KCNT2: variants seen among roughly 807,000 people sequenced by gnomAD.
KCNT2 encodes potassium sodium-activated channel subfamily T member 2.
Under a neutral mutation model 153.8 loss-of-function variants are expected in KCNT2, and 67 were observed. That is an observed-to-expected ratio of 0.44 (90% CI 0.36 to 0.53). The LOEUF is 0.53. KCNT2 is among the 20% of genes least tolerant of loss of function. KCNT2 has a pLI of 0.00. For missense variants in KCNT2, 975 were observed against 1,354.8 expected, an observed-to-expected ratio of 0.72 and a Z score of 4.40; for synonymous variants, 500 against 458.8, an observed-to-expected ratio of 1.09 and a Z score of -1.15.
intron 15 of KCNT2, among the ~76,000 whole-genome samples, chr1:196,341,049 A>G (rs1208416080): frequency 2.6e-5 from 4 of 151,846 alleles, no homozygotes; most frequent in African/African-American, 7.2e-5. Context: ...AAATAGTCTT[A>G]AATAGGTATG....
chr1:196,264,788 C>A (rs532419676), intron 25 of KCNT2, among the ~76,000 whole-genome samples: 2 of 152,090 alleles, frequency 1.3e-5, no homozygotes, highest in African/African-American at 2.4e-5. Context: ...TGGAGCATCA[C>A]GCCTGGCTAA....
intron 27 of KCNT2, among the ~76,000 whole-genome samples, chr1:196,231,942 T>C (rs889590194): frequency 6.6e-6 from 1 of 151,876 alleles, no homozygotes; most frequent in African/African-American, 2.4e-5. Flanking sequence ...ACTTCTATAA[T>C]ATTTTTAAGA....
intron 1 of KCNT2, among the ~76,000 whole-genome samples, chr1:196,500,030 G>A (rs1019996680): frequency 3.9e-5 from 6 of 152,022 alleles, no homozygotes; most frequent in Non-Finnish European, 2.9e-5. Flanking sequence ...TGTAATCCCA[G>A]CTACTTGGGA....
At chr1:196,346,697 G>A (rs747291532) in intron 14 of KCNT2, among the ~76,000 whole-genome samples, 4 of 151,964 alleles carry the variant, frequency 2.6e-5, no homozygotes, top group Non-Finnish European at 5.9e-5. Flanking sequence ...TGATTGTTGG[G>A]ATGGAATTAA....
chr1:196,407,097 T>A (rs2148468575), intron 12 of KCNT2, among the ~76,000 whole-genome samples: 2 of 151,570 alleles, frequency 1.3e-5, no homozygotes, highest in South Asian at 4.1e-4. Context: ...CCATAAATTG[T>A]ATATTTTACT....
rs566742091 is a variant in KCNT2 at position 196,277,373 on chromosome 1, G to A, written c.2910+3487C>T. On this transcript the variant is annotated intron_variant, in intron 25 of 27. Coordinates refer to ENST00000294725, the MANE Select transcript of KCNT2 (RefSeq NM_198503.5). ...ATTTTTAGGGCCTTCCACGTGGGTT[G>A]GTCAGTTTCCCTAAGAAAGAGTCTT... Among the ~76,000 whole-genome samples, 3 of 152,142 alleles carry A rather than the reference G, an allele frequency of 2.0e-5. No individual in the cohort carries two copies. The South Asian group carries it at 6.2e-4, about 32-fold the overall frequency.
chr1:196,327,916 C>T (rs2148077908), intron 18 of KCNT2, among the ~76,000 whole-genome samples: 1 of 151,940 alleles, frequency 6.6e-6, no homozygotes, highest in African/African-American at 2.4e-5. Flanking sequence ...GGATTACAGG[C>T]ACGAGCCACC....
chr1:196,348,898 C>T (rs1032620683), intron 14 of KCNT2, among the ~76,000 whole-genome samples: 45 of 151,906 alleles, frequency 3.0e-4, no homozygotes, highest in African/African-American at 1.1e-3. Context: ...AAAAAAATGC[C>T]TGGGCGTGGT....
At chr1:196,382,856 C>T (rs188114971) in intron 13 of KCNT2, among the ~76,000 whole-genome samples, 7 of 151,854 alleles carry the variant, frequency 4.6e-5, no homozygotes, top group Non-Finnish European at 1.0e-4. Flanking sequence ...TTTGAGCTGC[C>T]TGAACATGAG....
chr1:196,443,756 GAAAGATATTTCT>G (rs956526935), intron 8 of KCNT2, among the ~76,000 whole-genome samples: 16 of 151,510 alleles, frequency 1.1e-4, no homozygotes, highest in African/African-American at 3.6e-4. Context: ...CTCATGTCTT[GAAAGATATTTCT>G]AATTCATCTT....
chr1:196,482,651 C>T (rs945309265), intron 3 of KCNT2, among the ~76,000 whole-genome samples: 2 of 151,962 alleles, frequency 1.3e-5, no homozygotes, highest in South Asian at 4.2e-4. Context: ...GGCAGAATAA[C>T]CTTAAACCCT....
At chr1:196,292,480 A>C (rs1026777363) in intron 22 of KCNT2, among the ~76,000 whole-genome samples, 2 of 152,198 alleles carry the variant, frequency 1.3e-5, no homozygotes, top group Admixed American at 6.5e-5. Flanking sequence ...CAGAGCAATC[A>C]GACAAGAAAA....
At chr1:196,605,881 CT>C (rs1665261873) in intron 1 of KCNT2, among the ~76,000 whole-genome samples, 1 of 152,046 alleles carries the variant, frequency 6.6e-6, no homozygotes, top group Admixed American at 6.6e-5. Flanking sequence ...GTAAATTATT[CT>C]TATAAGTTCA....
At chr1:196,303,693 G>A (rs780587847) in intron 22 of KCNT2, among the ~76,000 whole-genome samples, 1 of 152,024 alleles carries the variant, frequency 6.6e-6, no homozygotes, top group African/African-American at 2.4e-5. Context: ...ATTTAAAATA[G>A]CTCCTACCAC....
intron 1 of KCNT2, among the ~76,000 whole-genome samples, chr1:196,546,710 A>G (rs960420733): frequency 2.0e-5 from 3 of 152,108 alleles, no homozygotes; most frequent in Non-Finnish European, 4.4e-5. Context: ...AAAAATCTAC[A>G]CACACAGATA....
chr1:196,241,894 G>A (rs1282028441), intron 26 of KCNT2, among the ~76,000 whole-genome samples: 1 of 151,874 alleles, frequency 6.6e-6, no homozygotes, highest in East Asian at 1.9e-4. Context: ...CCTATGTTAC[G>A]TTTCATAAAT....
intron 25 of KCNT2, among the ~76,000 whole-genome samples, chr1:196,274,171 TAATC>T (rs1490260360): frequency 6.6e-6 from 1 of 151,692 alleles, no homozygotes; most frequent in Non-Finnish European, 1.5e-5. Flanking sequence ...TTGATTTCCT[TAATC>T]AATGTATCAT....
intron 8 of KCNT2, among the ~76,000 whole-genome samples, chr1:196,450,068 G>T (rs762383397): frequency 3.3e-5 from 5 of 151,688 alleles, no homozygotes; most frequent in African/African-American, 1.2e-4. Flanking sequence ...TTAGTAATAT[G>T]GTTCTTTATA....
intron 8 of KCNT2, among the ~76,000 whole-genome samples, chr1:196,462,629 A>C (rs935516079): frequency 9.2e-5 from 14 of 151,788 alleles, no homozygotes; most frequent in Admixed American, 5.3e-4. Flanking sequence ...TTGAGGTGTT[A>C]ACATTATTTG....
Sources: gnomAD v4.1 joint callset for allele counts (sites outside exome capture counted in the v4.1 genomes callset) on GRCh38, gnomAD v4.1.1 for gene constraint, MANE v1.5 for transcripts, NCBI Gene and HGNC (gene_info 2026-07-23, HGNC 2026-07-21) for gene names.